The following PCDHAC1 variants were observed in gnomAD, a reference collection of about 807,000 sequenced individuals.
PCDHAC1 encodes protocadherin alpha-C1.
PCDHAC1 carries 42 observed loss-of-function variants against 60.0 expected under a neutral mutation model. That is an observed-to-expected ratio of 0.70 (90% CI 0.55 to 0.90). The LOEUF (loss-of-function observed/expected upper bound fraction) is 0.90, where lower values mean the gene tolerates loss of function less well. Among genes scored for constraint, PCDHAC1 ranks in the 40% least tolerant of loss-of-function variants. The probability of loss-of-function intolerance (pLI) is 0.00; values close to 1 mark genes in which losing one functional copy is unlikely to be tolerated. For missense variants in PCDHAC1, 1,160 were observed against 1,222.3 expected (o/e 0.95, Z 0.76); for synonymous variants, 468 against 499.3 (o/e 0.94, Z 0.84).
chr5:140,967,121 C>T, intron 1 of PCDHAC1: 1 of 1,612,916 alleles, frequency 6.2e-7, no homozygotes, highest in East Asian at 2.2e-5. Flanking sequence ...TCGCTGCCTG[C>T]TCAGCTTGGA....
intron 1 of PCDHAC1, chr5:140,969,445 A>G (rs2096331821): frequency 1.9e-6 from 3 of 1,542,150 alleles, no homozygotes; most frequent in Non-Finnish European, 2.6e-6. Context: ...TATCTGGTAA[A>G]CTGAGTATAT....
At chr5:140,953,959 C>T (rs2094958753) in intron 1 of PCDHAC1, among the ~76,000 whole-genome samples, 1 of 152,044 alleles carries the variant, frequency 6.6e-6, no homozygotes, top group South Asian at 2.1e-4. Flanking sequence ...CAACAGGCCC[C>T]AGTGTGTGTT....
At chr5:140,968,464 C>T (rs1554230763) in intron 1 of PCDHAC1, 4 of 1,613,996 alleles carry the variant, frequency 2.5e-6, no homozygotes, top group Admixed American at 1.7e-5. Flanking sequence ...TGACTGCCAA[C>T]GTATATGTGG....
intron 3 of PCDHAC1, among the ~76,000 whole-genome samples, chr5:141,000,391 CTCTCTATATA>C (rs1171335262): frequency 2.9e-3 from 162 of 56,578 alleles, no homozygotes; most frequent in African/African-American, 4.6e-3. Flanking sequence ...CTCTCTCTCT[CTCTCTATATA>C]TATATATATA....
intron 1 of PCDHAC1, among the ~76,000 whole-genome samples, chr5:140,977,050 G>A (rs546385020): frequency 6.6e-6 from 1 of 152,162 alleles, no homozygotes; most frequent in Non-Finnish European, 1.5e-5. Context: ...TGTTGCTGAT[G>A]GACTAGTATA....
chr5:141,010,374 C>A lies in PCDHAC1; in HGVS notation c.*437C>A. 2 of 1,459,768 alleles carry A rather than the reference C, an allele frequency of 1.4e-6. No homozygotes were observed. Among genetic ancestry groups the A allele is most frequent in the South Asian group, 1.4e-5 (1 of 73,044 alleles). 90.4% of individuals were successfully genotyped at this position (1,459,768 alleles called of 1,614,324 possible). On this transcript the variant is annotated 3_prime_UTR_variant, in exon 4 of 4. Coordinates refer to ENST00000253807, the MANE Select transcript of PCDHAC1 (RefSeq NM_018898.5). ...TGTGGCTACCGCGGGTATGCGAGTG[C>A]CAGATATTGGCTGAGACGAGCCAGC...
Position 140,926,698 on chromosome 5 carries a change from C to G in PCDHAC1, c.-195C>G. ...AGCCTCCAGCCTAGCAAGCCCGGCT[C>G]CCAGCTGGCCAGCCCCGGCAATGCC... On this transcript the variant is annotated 5_prime_UTR_variant, in exon 1 of 4. Transcript: ENST00000253807. The G allele has an allele frequency of 2.5e-6, 2 of 787,702 alleles. No homozygotes were observed. The highest frequency in any genetic ancestry group is 3.6e-6 in the Non-Finnish European group (2 of 549,702). The allele number at this position is 787,702 out of a possible 1,614,324, so 48.8% of individuals were successfully genotyped here. A position where few individuals can be genotyped will look rare whatever the true frequency, so the allele number is the denominator to read the frequency against.
rs1273187123 is a variant in PCDHAC1 at position 140,927,933 on chromosome 5, C to T, written c.1041C>T (p.Asn347=). 1.9e-6 allele frequency: 3 copies of T among 1,614,090 alleles called. No homozygotes were observed. Among genetic ancestry groups the T allele is most frequent in the African/African-American group, 2.7e-5 (2 of 74,924 alleles). Residue 347 remains asparagine (N), a synonymous_variant, in exon 1 of 4, where the codon AAC becomes AAT. Coordinates refer to ENST00000253807, the MANE Select transcript of PCDHAC1 (RefSeq NM_018898.5). The part of the protein sequence containing the change: ...APELDFLTLS[N]PVPEDAAPGT... ...AACTGGACTTCCTGACTCTTTCGAA[C>T]CCAGTACCTGAGGACGCTGCCCCTG...
At chr5:140,992,261 G>A (rs1056414788) in intron 3 of PCDHAC1, among the ~76,000 whole-genome samples, 1 of 152,172 alleles carries the variant, frequency 6.6e-6, no homozygotes, top group Non-Finnish European at 1.5e-5. Context: ...AAAGATGAAA[G>A]TTCTTTTCGT....
At chr5:141,003,423 T>G (rs1278383006) in intron 3 of PCDHAC1, among the ~76,000 whole-genome samples, 1 of 152,164 alleles carries the variant, frequency 6.6e-6, no homozygotes, top group Non-Finnish European at 1.5e-5. Context: ...GTGATTCTTA[T>G]GCCTCAGCCT....
Position 140,929,082 on chromosome 5 carries a change from G to A in PCDHAC1, c.2190G>A (p.Lys730=). The A allele has an allele frequency of 1.2e-6, 2 of 1,614,216 alleles. No homozygotes were observed. Among genetic ancestry groups the A allele is most frequent in the South Asian group, 1.1e-5 (1 of 91,086 alleles). ...CAGAGGATCTGAGGTATGGAAGTAA[G>A]ATGGTTTCAAATCCTTGCATGACAT... is the stretch of plus-strand genomic sequence containing the variant. ...RSTEDLRYGS[K]MVSNPCMTSA... The change falls in exon 1 of 4, where the codon AAG becomes AAA. Residue 730 remains lysine (K), a synonymous_variant. Transcript: ENST00000253807.
At chr5:141,003,160 C>T (rs1383713910) in intron 3 of PCDHAC1, among the ~76,000 whole-genome samples, 3 of 152,200 alleles carry the variant, frequency 2.0e-5, no homozygotes. Context: ...CCTGATCAAT[C>T]CTAGTCCCTG....
intron 2 of PCDHAC1, among the ~76,000 whole-genome samples, chr5:140,979,789 C>CAAAT (rs1244398411): frequency 2.6e-5 from 4 of 152,148 alleles, no homozygotes; most frequent in African/African-American, 9.7e-5. Context: ...GACCAAGAAA[C>CAAAT]AAATGATCAC....
intron 1 of PCDHAC1, among the ~76,000 whole-genome samples, chr5:140,951,653 C>T (rs2094610729): frequency 6.6e-6 from 1 of 152,176 alleles, no homozygotes; most frequent in South Asian, 2.1e-4. Context: ...TCACCTCCCA[C>T]CAGGGCCTGC....
chr5:140,969,700 A>G (rs2096354004), intron 1 of PCDHAC1, among the ~76,000 whole-genome samples: 1 of 152,178 alleles, frequency 6.6e-6, no homozygotes. Context: ...CCTCTGCTGT[A>G]TCATCTACAG....
intron 1 of PCDHAC1, among the ~76,000 whole-genome samples, chr5:140,938,203 C>T (rs1181415730): frequency 6.6e-6 from 1 of 152,146 alleles, no homozygotes; most frequent in Non-Finnish European, 1.5e-5. Flanking sequence ...ACGCCAGCCT[C>T]CCAAAGTGCT....
chr5:140,976,550 CATAA>C (rs782672542), intron 1 of PCDHAC1, among the ~76,000 whole-genome samples: 4 of 151,944 alleles, frequency 2.6e-5, no homozygotes, highest in South Asian at 2.1e-4. Flanking sequence ...GACCCTATCT[CATAA>C]ATAAATAAAT....
Position 140,926,643 on chromosome 5 carries a change from G to A in PCDHAC1, c.-250G>A, listed in dbSNP as rs1292255848. On this transcript the variant is annotated 5_prime_UTR_variant, in exon 1 of 4. Transcript: ENST00000253807. The stretch of plus-strand genomic sequence containing the variant: ...GGCGGCGCTGCGCTCCTCAACACCC[G>A]GCCGGCTCCGCTTTCCCAGACGGCT... 22 of 452,632 alleles carry A rather than the reference G, an allele frequency of 4.9e-5. No individual in the cohort carries two copies. Among genetic ancestry groups the A allele is most frequent in the African/African-American group, 3.9e-4 (19 of 48,904 alleles). 28.0% of individuals were successfully genotyped at this position (452,632 alleles called of 1,614,324 possible).
At chr5:140,993,509 CGGGGAGAG>C (rs2097568152) in intron 3 of PCDHAC1, among the ~76,000 whole-genome samples, 1 of 143,490 alleles carries the variant, frequency 7.0e-6, no homozygotes, top group Non-Finnish European at 1.5e-5. Flanking sequence ...CACACACACA[CGGGGAGAG>C]AGAGACAGAG....
Sources: gnomAD v4.1 joint callset for allele counts (sites outside exome capture counted in the v4.1 genomes callset) on GRCh38, gnomAD v4.1.1 for gene constraint, MANE v1.5 for transcripts, NCBI Gene and HGNC (gene_info 2026-07-23, HGNC 2026-07-21) for gene names.